NXPH1: variants seen among roughly 807,000 people sequenced by gnomAD.
NXPH1 encodes the protein neurexophilin 1, also known as neurexophilin-1.
A neutral mutation model predicts 23.7 loss-of-function variants in NXPH1; 5 were observed. The observed-to-expected ratio is 0.21, with a 90% CI of 0.11 to 0.44. The LOEUF (loss-of-function observed/expected upper bound fraction) is 0.44, where lower values mean the gene tolerates loss of function less well. Ranked by LOEUF, NXPH1 falls within the 20% of genes least tolerant of loss-of-function variation. The pLI, the probability that NXPH1 is intolerant of heterozygous loss-of-function variation, is 0.99. For synonymous variants in NXPH1, 144 were observed against 122.2 expected, an observed-to-expected ratio of 1.18 and a Z score of -1.18; for missense variants, 324 against 321.6, an observed-to-expected ratio of 1.01 and a Z score of -0.06.
chr7:8,494,123 G>A (rs1817297912), intron 2 of NXPH1, among the ~76,000 whole-genome samples: 1 of 151,908 alleles, frequency 6.6e-6, no homozygotes, highest in African/African-American at 2.4e-5. Flanking sequence ...TCACAGGGAG[G>A]TACTACTTGT....
intron 2 of NXPH1, among the ~76,000 whole-genome samples, chr7:8,679,343 G>A (rs180790132): frequency 6.6e-6 from 1 of 152,126 alleles, no homozygotes; most frequent in Non-Finnish European, 1.5e-5. Context: ...AACATTATGG[G>A]CTAGACAAAT....
intron 2 of NXPH1, among the ~76,000 whole-genome samples, chr7:8,496,570 A>G (rs909322200): frequency 5.3e-5 from 8 of 152,038 alleles, no homozygotes; most frequent in Non-Finnish European, 1.0e-4. Context: ...TGTCATGAGT[A>G]CTTGAAAATG....
chr7:8,565,817 T>C (rs1195984053), intron 2 of NXPH1, among the ~76,000 whole-genome samples: 1 of 151,820 alleles, frequency 6.6e-6, no homozygotes, highest in South Asian at 2.1e-4. Context: ...TGGGTTTGGC[T>C]TTCTATTTCT....
intron 2 of NXPH1, among the ~76,000 whole-genome samples, chr7:8,537,034 C>G (rs368266915): frequency 6.6e-6 from 1 of 151,934 alleles, no homozygotes; most frequent in African/African-American, 2.4e-5. Flanking sequence ...CTACAAATTA[C>G]TGCATTTATT....
intron 2 of NXPH1, among the ~76,000 whole-genome samples, chr7:8,596,728 G>A (rs1322608332): frequency 1.3e-5 from 2 of 152,056 alleles, no homozygotes; most frequent in Non-Finnish European, 2.9e-5. Flanking sequence ...AGAGAGGTTA[G>A]GTGACTTGCC....
intron 2 of NXPH1, among the ~76,000 whole-genome samples, chr7:8,631,261 A>G (rs1406616667): frequency 6.6e-6 from 1 of 152,158 alleles, no homozygotes; most frequent in African/African-American, 2.4e-5. Context: ...TCTTTATAAT[A>G]GAATGAAAAT....
intron 2 of NXPH1, among the ~76,000 whole-genome samples, chr7:8,582,104 G>T (rs932956771): frequency 2.0e-5 from 3 of 152,206 alleles, no homozygotes; most frequent in African/African-American, 7.2e-5. Flanking sequence ...TCTGTGACAG[G>T]CTGTTGCTGG....
intron 2 of NXPH1, among the ~76,000 whole-genome samples, chr7:8,626,257 A>G (rs1819985161): frequency 6.6e-6 from 1 of 152,104 alleles, no homozygotes; most frequent in African/African-American, 2.4e-5. Flanking sequence ...GTAATGAAGC[A>G]TGGTTGGATA....
At chr7:8,604,643 T>G (rs1477620435) in intron 2 of NXPH1, among the ~76,000 whole-genome samples, 1 of 152,150 alleles carries the variant, frequency 6.6e-6, no homozygotes. Context: ...ATCTATAATA[T>G]TTTATCATAC....
At chr7:8,492,576 C>A (rs1400992378) in intron 2 of NXPH1, among the ~76,000 whole-genome samples, 1 of 152,028 alleles carries the variant, frequency 6.6e-6, no homozygotes, top group Non-Finnish European at 1.5e-5. Flanking sequence ...TGATTGCTGA[C>A]TTCATGGAGC....
intron 2 of NXPH1, among the ~76,000 whole-genome samples, chr7:8,580,396 A>C (rs1818842739): frequency 6.6e-6 from 1 of 152,074 alleles, no homozygotes; most frequent in Non-Finnish European, 1.5e-5. Flanking sequence ...TTGGCAGAAA[A>C]AGATTAGGAA....
At chr7:8,687,961 T>A (rs569543313) in intron 2 of NXPH1, among the ~76,000 whole-genome samples, 1 of 152,286 alleles carries the variant, frequency 6.6e-6, no homozygotes, top group South Asian at 2.1e-4. Flanking sequence ...GCAGAGTTGA[T>A]TTGATTTTAA....
At chr7:8,639,250 C>A (rs890962943) in intron 2 of NXPH1, among the ~76,000 whole-genome samples, 4 of 152,108 alleles carry the variant, frequency 2.6e-5, no homozygotes, top group African/African-American at 4.8e-5. Context: ...CTGTCTAGAA[C>A]TATTTTAATT....
chr7:8,464,992 G>C (rs578066759), intron 2 of NXPH1, among the ~76,000 whole-genome samples: 19 of 152,060 alleles, frequency 1.2e-4, no homozygotes, highest in Non-Finnish European at 2.1e-4. Flanking sequence ...AACAAATCTG[G>C]CAGCCTAAAA....
chr7:8,646,570 A>T (rs74777098), intron 2 of NXPH1, among the ~76,000 whole-genome samples: 145 of 152,116 alleles, frequency 9.5e-4, no homozygotes, highest in African/African-American at 3.3e-3. Flanking sequence ...GCTTTGTTGT[A>T]CTATTTGTAG....
At chr7:8,439,912 C>T (rs1363126392) in intron 2 of NXPH1, among the ~76,000 whole-genome samples, 2 of 152,128 alleles carry the variant, frequency 1.3e-5, no homozygotes, top group African/African-American at 2.4e-5. Flanking sequence ...AAAAATTAAG[C>T]CAGCTGCACA....
At chr7:8,541,984 A>G (rs9640073) in intron 2 of NXPH1, among the ~76,000 whole-genome samples, 4,851 of 151,676 alleles carry the variant, frequency 0.032, 247 homozygotes, top group East Asian at 0.16. Context: ...AGATAATGAT[A>G]GATTTAAACC....
chr7:8,619,784 C>A (rs1819825707), intron 2 of NXPH1, among the ~76,000 whole-genome samples: 1 of 152,084 alleles, frequency 6.6e-6, no homozygotes, highest in African/African-American at 2.4e-5. Flanking sequence ...TATACTAATA[C>A]CATTATTTCA....
chr7:8,654,082 C>T (rs904940123), intron 2 of NXPH1, among the ~76,000 whole-genome samples: 5 of 152,164 alleles, frequency 3.3e-5, no homozygotes, highest in African/African-American at 4.8e-5. Flanking sequence ...AGCAGGACAG[C>T]AGAAATCTAA....
Sources: allele counts gnomAD v4.1 joint callset (sites outside exome capture counted in the v4.1 genomes callset), GRCh38; gene constraint gnomAD v4.1.1; transcripts MANE v1.5; gene names NCBI Gene and HGNC (gene_info 2026-07-23, HGNC 2026-07-21).